The following MAST4 variants were observed in gnomAD, a reference collection of about 807,000 sequenced individuals.
MAST4 encodes microtubule-associated serine/threonine-protein kinase 4.
In MAST4, 89 loss-of-function variants were observed where a neutral mutation model predicts 162.7. The observed-to-expected ratio is 0.55, with a 90% CI of 0.46 to 0.65. The LOEUF (loss-of-function observed/expected upper bound fraction) is 0.65. MAST4 is among the 30% of genes least tolerant of loss of function. MAST4 has a pLI of 0.00. For missense variants in MAST4, 3,153 were observed against 3,374.0 expected, an observed-to-expected ratio of 0.93 and a Z score of 1.62; for synonymous variants, 1,479 against 1,361.1, an observed-to-expected ratio of 1.09 and a Z score of -1.91.
intron 5 of MAST4, among the ~76,000 whole-genome samples, chr5:67,058,884 A>C (rs1406504695): frequency 6.6e-6 from 1 of 152,264 alleles, no homozygotes; most frequent in African/African-American, 2.4e-5. Flanking sequence ...TAATATCTGC[A>C]GTAGTTTTCT....
chr5:66,692,510 G>T (rs1280193217), intron 1 of MAST4, among the ~76,000 whole-genome samples: 1 of 151,710 alleles, frequency 6.6e-6, no homozygotes, highest in African/African-American at 2.4e-5. Flanking sequence ...CCTGGGAGAT[G>T]AACCAGGGCT....
chr5:67,100,651 G>A, intron 8 of MAST4, 59 bp downstream of exon 8: 1 of 1,602,378 alleles, frequency 6.2e-7, no homozygotes, highest in Non-Finnish European at 8.5e-7. Flanking sequence ...CAAACATTTT[G>A]AGTGAACACT....
intron 4 of MAST4, among the ~76,000 whole-genome samples, chr5:67,031,410 CT>C (rs1399037301): frequency 1.3e-5 from 2 of 152,080 alleles, no homozygotes; most frequent in Non-Finnish European, 2.9e-5. Flanking sequence ...ATGCAGTGAA[CT>C]TTGAATAAGT....
At chr5:66,652,353 G>A (rs949539786) in intron 1 of MAST4, among the ~76,000 whole-genome samples, 10 of 152,126 alleles carry the variant, frequency 6.6e-5, no homozygotes, top group East Asian at 1.9e-4. Context: ...TGCCAGGAAT[G>A]TAATAAGTAT....
chr5:67,104,697 GAAA>G, intron 10 of MAST4, 122 bp downstream of exon 10: 24 of 483,274 alleles, frequency 5.0e-5, no homozygotes, highest in Admixed American at 7.3e-5. Flanking sequence ...AAAAAAGAAG[GAAA>G]AAAAAAAAAA....
intron 24 of MAST4, among the ~76,000 whole-genome samples, chr5:67,151,702 A>G (rs1284100342): frequency 6.6e-6 from 1 of 151,440 alleles, no homozygotes. Flanking sequence ...TCATTTATAG[A>G]GAAGTCACCA....
chr5:66,710,848 A>T (rs961589248), intron 1 of MAST4, among the ~76,000 whole-genome samples: 3 of 152,208 alleles, frequency 2.0e-5, no homozygotes, highest in Non-Finnish European at 2.9e-5. Context: ...TGTAGCTTTT[A>T]AAAAAATTTG....
intron 1 of MAST4, among the ~76,000 whole-genome samples, chr5:66,597,898 T>TAAA (rs5868456): frequency 6.8e-6 from 1 of 146,870 alleles, no homozygotes; most frequent in African/African-American, 2.5e-5. Flanking sequence ...AGACTCAGTT[T>TAAA]AAAAAAAAAA....
chr5:66,880,026 CA>C (rs1761587170), intron 3 of MAST4, among the ~76,000 whole-genome samples: 1 of 152,170 alleles, frequency 6.6e-6, no homozygotes, highest in African/African-American at 2.4e-5. Context: ...AGATTGGAAA[CA>C]ACCCAAACAT....
chr5:67,004,462 T>C (rs1751710425), intron 4 of MAST4, among the ~76,000 whole-genome samples: 1 of 152,240 alleles, frequency 6.6e-6, no homozygotes, highest in Admixed American at 6.5e-5. Flanking sequence ...GCTTTTTCTA[T>C]TCAAATTCTT....
intron 1 of MAST4, among the ~76,000 whole-genome samples, chr5:66,636,358 G>C (rs772774772): frequency 1.3e-5 from 2 of 152,170 alleles, no homozygotes; most frequent in African/African-American, 2.4e-5. Flanking sequence ...AATGTAACAA[G>C]TATTTCCCTC....
intron 2 of MAST4, among the ~76,000 whole-genome samples, chr5:66,760,633 G>A (rs370063217): frequency 4.3e-4 from 65 of 152,234 alleles, no homozygotes; most frequent in Admixed American, 2.0e-3. Flanking sequence ...TTACATTAAT[G>A]GAAGCAGAGT....
intron 1 of MAST4, among the ~76,000 whole-genome samples, chr5:66,694,792 T>C (rs1307734180): frequency 2.6e-5 from 4 of 152,228 alleles, no homozygotes; most frequent in Non-Finnish European, 5.9e-5. Context: ...CAGCCAATCT[T>C]GAGCTTTTTC....
At chr5:66,838,943 T>G (rs1020263977) in intron 3 of MAST4, among the ~76,000 whole-genome samples, 5 of 152,268 alleles carry the variant, frequency 3.3e-5, no homozygotes, top group African/African-American at 1.2e-4. Context: ...TTATCAACTG[T>G]GAACTATTCT....
chr5:66,774,625 A>G (rs535010666), intron 2 of MAST4, among the ~76,000 whole-genome samples: 1 of 152,074 alleles, frequency 6.6e-6, no homozygotes, highest in Non-Finnish European at 1.5e-5. Flanking sequence ...CTATCATTCC[A>G]TTTGCTAGTT....
At chr5:66,972,406 T>C (rs1747554008) in intron 4 of MAST4, among the ~76,000 whole-genome samples, 1 of 152,208 alleles carries the variant, frequency 6.6e-6, no homozygotes, top group African/African-American at 2.4e-5. Context: ...AGAAGAACAT[T>C]TACTTTCTCA....
At chr5:66,936,113 A>G (rs1742720767) in intron 4 of MAST4, among the ~76,000 whole-genome samples, 1 of 152,188 alleles carries the variant, frequency 6.6e-6, no homozygotes, top group Admixed American at 6.5e-5. Flanking sequence ...CACTTCTTTG[A>G]CAGTTCCCCT....
chr5:67,000,851 T>C (rs942040813), intron 4 of MAST4, among the ~76,000 whole-genome samples: 2 of 151,852 alleles, frequency 1.3e-5, no homozygotes. Flanking sequence ...GGGGAGGTAA[T>C]AGTGAAGGAT....
At chr5:67,048,002 A>G (rs1757588497) in intron 4 of MAST4, among the ~76,000 whole-genome samples, 1 of 152,252 alleles carries the variant, frequency 6.6e-6, no homozygotes, top group South Asian at 2.1e-4. Flanking sequence ...GGAGAAGACA[A>G]CAGAATGTAG....
Sources: gnomAD v4.1 joint callset for allele counts (sites outside exome capture counted in the v4.1 genomes callset) on GRCh38, gnomAD v4.1.1 for gene constraint, MANE v1.5 for transcripts, NCBI Gene and HGNC (gene_info 2026-07-23, HGNC 2026-07-21) for gene names.